Variants in LPA observed in about 807,000 individuals in gnomAD.
LPA encodes lipoprotein(a).
In LPA, 199 loss-of-function variants were observed where a neutral mutation model predicts 197.9. The ratio of observed to expected loss-of-function variants is 1.01; its 90% CI spans 0.90 to 1.13. The LOEUF (loss-of-function observed/expected upper bound fraction) is 1.13. Ranked by LOEUF, LPA falls within the 50% of genes most tolerant of loss-of-function variation. LPA has a pLI of 0.00. For synonymous variants in LPA, 715 were observed against 639.5 expected, an observed-to-expected ratio of 1.12 and a Z score of -1.78; for missense variants, 1,853 against 1,785.8, an observed-to-expected ratio of 1.04 and a Z score of -0.68.
chr6:160,541,206 T>C, intron 34 of LPA, 25 bp from the exon 35 acceptor site: 1 of 1,517,450 alleles, frequency 6.6e-7, no homozygotes, highest in South Asian at 1.1e-5. Flanking sequence ...TGCCAAGGCT[T>C]TGGTCAAATT....
rs563465328 is a variant in LPA at position 160,654,888 on chromosome 6, A to G, written c.50-4391T>C. Among the ~76,000 whole-genome samples the G allele has an allele frequency of 4.0e-4, 61 of 152,298 alleles. 1 individual carries two copies. The South Asian group carries it at 5.2e-3, about 13-fold the overall frequency. ...GCATATCGTGCAGAACCATCTATGA[A>G]CCAGTCCTTAGTCTTCCCTTCCTCT... On this transcript the variant is annotated intron_variant, in intron 1 of 38. Transcript: ENST00000316300.
intron 1 of LPA, among the ~76,000 whole-genome samples, chr6:160,656,919 A>C (rs1343337882): frequency 6.6e-6 from 1 of 152,210 alleles, no homozygotes; most frequent in African/African-American, 2.4e-5. Flanking sequence ...ACTTCTAGGA[A>C]CACCATGATT....
At chr6:160,540,233 G>C in intron 35 of LPA, 50 bp from the exon 36 acceptor site, 1 of 1,611,794 alleles carries the variant, frequency 6.2e-7, no homozygotes, top group South Asian at 1.1e-5. Flanking sequence ...GCCCCTTCAG[G>C]TATCCTCTGT....
chr6:160,599,404 C>T, intron 20 of LPA, 96 bp downstream of exon 20: 1 of 1,550,906 alleles, frequency 6.4e-7, no homozygotes, highest in South Asian at 1.1e-5. Context: ...GCATCTGAGC[C>T]AAGTTGAGTC....
intron 4 of LPA, among the ~76,000 whole-genome samples, chr6:160,643,307 GT>G (rs1779874853): frequency 1.2e-5 from 1 of 80,020 alleles, no homozygotes; most frequent in Non-Finnish European, 2.7e-5. Context: ...CTTGCATGTT[GT>G]TTTTTTAAAT....
At chr6:160,588,653 T>G (rs1236577655) in intron 24 of LPA, among the ~76,000 whole-genome samples, 3 of 152,128 alleles carry the variant, frequency 2.0e-5, no homozygotes, top group Non-Finnish European at 4.4e-5. Context: ...GCTCCTTTCT[T>G]CCACAAATCC....
At chr6:160,653,844 G>C (rs1323917832) in intron 1 of LPA, among the ~76,000 whole-genome samples, 1 of 135,632 alleles carries the variant, frequency 7.4e-6, no homozygotes, top group Non-Finnish European at 1.6e-5. Context: ...ATATAAGGTT[G>C]GTTCAATGTA....
At chr6:160,547,637 G>A in intron 32 of LPA, 152 bp downstream of exon 32, 1 of 974,954 alleles carries the variant, frequency 1.0e-6, no homozygotes, top group South Asian at 1.4e-5. Context: ...CCACACGCGT[G>A]GGGCTTTGCT....
chr6:160,573,245 G>A (rs1203490129), intron 28 of LPA, among the ~76,000 whole-genome samples: 1 of 151,888 alleles, frequency 6.6e-6, no homozygotes, highest in East Asian at 1.9e-4. Flanking sequence ...TCCAGAGCAT[G>A]TCACATTTCC....
chr6:160,545,218 T>G (rs1778046173), intron 33 of LPA, among the ~76,000 whole-genome samples: 1 of 151,996 alleles, frequency 6.6e-6, no homozygotes, highest in Admixed American at 6.6e-5. Context: ...TTATTTTATT[T>G]ATGTGTGTGT....
intron 33 of LPA, 144 bp downstream of exon 33, chr6:160,545,296 T>C (rs1583568859): frequency 7.7e-6 from 5 of 651,680 alleles, no homozygotes; most frequent in Admixed American, 2.5e-5. Context: ...GTGGCCATGA[T>C]GAAAAGCAGG....
At chr6:160,641,093 A>AC (rs1779845509) in intron 4 of LPA, among the ~76,000 whole-genome samples, 6 of 137,528 alleles carry the variant, frequency 4.4e-5, no homozygotes, top group Admixed American at 2.8e-4. Flanking sequence ...AACGCTTCTT[A>AC]GAAACACTGA....
chr6:160,542,536 AC>A (rs1299962543), intron 34 of LPA, 151 bp downstream of exon 34: 2 of 1,199,294 alleles, frequency 1.7e-6, no homozygotes, highest in East Asian at 2.7e-5. Context: ...TAATAATATA[AC>A]TTTTTTTAAT....
At chr6:160,580,082 T>C (rs895777033) in intron 26 of LPA, among the ~76,000 whole-genome samples, 1 of 152,170 alleles carries the variant, frequency 6.6e-6, no homozygotes, top group African/African-American at 2.4e-5. Context: ...TATTGGTTTC[T>C]TTCACCATAA....
chr6:160,566,881 T>C (rs1778465898), intron 28 of LPA, among the ~76,000 whole-genome samples: 1 of 151,842 alleles, frequency 6.6e-6, no homozygotes, highest in South Asian at 2.1e-4. Context: ...CTAACAAAGA[T>C]CAAAAGAGAC....
intron 28 of LPA, among the ~76,000 whole-genome samples, chr6:160,570,991 C>T (rs1422818421): frequency 1.3e-5 from 2 of 152,206 alleles, no homozygotes; most frequent in East Asian, 3.9e-4. Context: ...ATTCTCCCAT[C>T]ACTTTCAGGT....
At chr6:160,603,806 T>C (rs1169561594) in intron 18 of LPA, among the ~76,000 whole-genome samples, 1 of 152,234 alleles carries the variant, frequency 6.6e-6, no homozygotes, top group African/African-American at 2.4e-5. Context: ...AGACTTGCTT[T>C]TCAGTTTTGC....
intron 37 of LPA, among the ~76,000 whole-genome samples, chr6:160,536,294 T>A (rs1333529189): frequency 6.6e-6 from 1 of 152,230 alleles, no homozygotes; most frequent in Non-Finnish European, 1.5e-5. Flanking sequence ...TGCAGCTCAC[T>A]AAGAATTTCC....
At position 160,557,504 on chromosome 6, in the gene LPA, G is replaced by C. The variant is rs1315696122; in HGVS notation, c.4699C>G (p.Pro1567Ala). The change falls in exon 29 of 39, where the codon CCG becomes GCG. Residue 1567 changes from proline to alanine, a missense_variant. By Grantham distance (27) the Pro-to-Ala change is conservative (BLOSUM62 -1). Transcript: ENST00000316300. Reference sequence around the variant, plus strand: ...TTGCAGTACTCCCACCTCACACACGGATCGGTTGTGTAACACCAGGGTTGT... The same window carrying C: ...TTGCAGTACTCCCACCTCACACACGCATCGGTTGTGTAACACCAGGGTTGT... ...GKQPWCYTTD[P>A]CVRWEYCNLT... is the part of the protein sequence containing the mutation. 6.2e-7 allele frequency: 1 copy of C among 1,613,900 alleles called. No homozygotes were observed. The highest frequency in any genetic ancestry group is 2.2e-5 in the East Asian group (1 of 44,876).
Sources: gnomAD v4.1 joint callset for allele counts (sites outside exome capture counted in the v4.1 genomes callset) on GRCh38, gnomAD v4.1.1 for gene constraint, MANE v1.5 for transcripts, NCBI Gene and HGNC (gene_info 2026-07-23, HGNC 2026-07-21) for gene names.